The following CPE variants were observed in gnomAD, a reference collection of about 807,000 sequenced individuals.
CPE encodes the protein carbocypeptidase E.
CPE carries 17 observed loss-of-function variants against 53.5 expected under a neutral mutation model. The ratio of observed to expected loss-of-function variants is 0.32; its 90% CI spans 0.22 to 0.48. The LOEUF is 0.48. Ranked by LOEUF, CPE falls within the 20% of genes least tolerant of loss-of-function variation. The pLI, the probability that CPE is intolerant of heterozygous loss-of-function variation, is 0.99. For missense variants in CPE, 524 were observed against 614.7 expected, an observed-to-expected ratio of 0.85 and a Z score of 1.56; for synonymous variants, 226 against 228.8, an observed-to-expected ratio of 0.99 and a Z score of 0.11.
rs1732582206 is a variant in CPE, at chr4:165,490,531, G to C, written c.1114-2640G>C. 3.3e-5 allele frequency among the ~76,000 whole-genome samples: 5 copies of C among 151,364 alleles called. No individual in the cohort carries two copies. The South Asian group carries it at 1.0e-3, about 32-fold the overall frequency. On this transcript the variant is annotated intron_variant, in intron 6 of 8. Transcript: ENST00000402744. ...GCCTGTAGTCCCAGCTACTCCGGAG[G>C]CTGAGGCAGGAGAATGGCATGAACC... is the stretch of plus-strand genomic sequence containing the variant.
chr4:165,457,712 G>A (rs1359150963), intron 1 of CPE, among the ~76,000 whole-genome samples: 2 of 152,140 alleles, frequency 1.3e-5, no homozygotes, highest in Non-Finnish European at 2.9e-5. Context: ...ATGTTGATTT[G>A]GTTGTTTTCT....
chr4:165,435,747 A>G (rs1731491099), intron 1 of CPE, among the ~76,000 whole-genome samples: 1 of 152,220 alleles, frequency 6.6e-6, no homozygotes, highest in Non-Finnish European at 1.5e-5. Context: ...TACATTTTAA[A>G]TATCAATCCA....
intron 1 of CPE, among the ~76,000 whole-genome samples, chr4:165,438,415 A>C (rs1731549254): frequency 6.6e-6 from 1 of 152,136 alleles, no homozygotes. Flanking sequence ...CCTTTGAGGA[A>C]AGAGTAGGGG....
intron 1 of CPE, 110 bp from the exon 2 acceptor site, chr4:165,464,280 C>A: frequency 1.1e-6 from 1 of 871,010 alleles, no homozygotes; most frequent in Non-Finnish European, 1.7e-6. Flanking sequence ...TAAGGCATCG[C>A]TGCTGGAGGA....
intron 1 of CPE, among the ~76,000 whole-genome samples, chr4:165,456,629 C>G (rs1477766487): frequency 6.6e-6 from 1 of 151,808 alleles, no homozygotes; most frequent in Non-Finnish European, 1.5e-5. Flanking sequence ...TGCAGTGGCG[C>G]GATCTCGGCT....
rs558362801 is a variant in CPE at position 165,442,201 on chromosome 4, C to T, written c.308-22189C>T. 7.9e-5 allele frequency among the ~76,000 whole-genome samples: 12 copies of T among 151,940 alleles called. No homozygotes were observed. In the South Asian group the frequency reaches 2.1e-3, roughly 26 times the overall value. On this transcript the variant is annotated intron_variant, in intron 1 of 8. Transcript: ENST00000402744. ...GGGACTACAGGTGGATGCTACCATG[C>T]CCAGCTAATTTTGTAATTCTTTTGT...
intron 1 of CPE, among the ~76,000 whole-genome samples, chr4:165,439,164 A>G (rs954897079): frequency 6.6e-6 from 1 of 152,236 alleles, no homozygotes; most frequent in Non-Finnish European, 1.5e-5. Flanking sequence ...ATCTAGCATC[A>G]TGTTTGAAAA....
chr4:165,442,594 A>G (rs1731632509), intron 1 of CPE, among the ~76,000 whole-genome samples: 1 of 152,196 alleles, frequency 6.6e-6, no homozygotes, highest in African/African-American at 2.4e-5. Context: ...AGCTATTTAA[A>G]TTTAAATTAA....
chr4:165,440,162 C>G (rs1731582989), intron 1 of CPE, among the ~76,000 whole-genome samples: 1 of 152,066 alleles, frequency 6.6e-6, no homozygotes, highest in Non-Finnish European at 1.5e-5. Flanking sequence ...TTCTAGGTTC[C>G]CAACATGCCG....
At chr4:165,491,605 A>T (rs554232919) in intron 6 of CPE, among the ~76,000 whole-genome samples, 17 of 152,298 alleles carry the variant, frequency 1.1e-4, no homozygotes, top group Non-Finnish European at 2.1e-4. Flanking sequence ...GAATTGAATA[A>T]ATCTTAAATT....
At chr4:165,442,434 C>T (rs564627485) in intron 1 of CPE, among the ~76,000 whole-genome samples, 23 of 152,192 alleles carry the variant, frequency 1.5e-4, no homozygotes, top group African/African-American at 5.3e-4. Flanking sequence ...TCTGATATTC[C>T]TCAAACTTAT....
At chr4:165,404,444 A>G in intron 1 of CPE, 1 of 767,980 alleles carries the variant, frequency 1.3e-6, no homozygotes, top group Non-Finnish European at 2.4e-6. Flanking sequence ...CTCCTGATAG[A>G]TGGAAAAGCC....
At chr4:165,474,250 C>T (rs906666621) in intron 3 of CPE, among the ~76,000 whole-genome samples, 2 of 152,192 alleles carry the variant, frequency 1.3e-5, no homozygotes, top group African/African-American at 4.8e-5. Flanking sequence ...TTGAGGGTTT[C>T]CTGCATAAGG....
At chr4:165,442,093 A>G (rs1579263375) in intron 1 of CPE, among the ~76,000 whole-genome samples, 1 of 123,576 alleles carries the variant, frequency 8.1e-6, no homozygotes, top group African/African-American at 3.3e-5. Flanking sequence ...CCCAGGCTGG[A>G]GTGCAGGAGT....
At chr4:165,450,993 A>C (rs1282069972) in intron 1 of CPE, among the ~76,000 whole-genome samples, 1 of 152,190 alleles carries the variant, frequency 6.6e-6, no homozygotes, top group African/African-American at 2.4e-5. Flanking sequence ...TTCTCCACTC[A>C]AAGAGTGGTT....
At chr4:165,410,450 C>G (rs1336948231) in intron 1 of CPE, among the ~76,000 whole-genome samples, 1 of 152,112 alleles carries the variant, frequency 6.6e-6, no homozygotes, top group East Asian at 1.9e-4. Context: ...CAAAACAGGC[C>G]AGTAACTCTG....
At chr4:165,392,328 TGA>T (rs1448960393) in intron 1 of CPE, among the ~76,000 whole-genome samples, 20 of 146,640 alleles carry the variant, frequency 1.4e-4, no homozygotes, top group African/African-American at 4.7e-4. Flanking sequence ...TGTAAATATA[TGA>T]TATATGTATA....
chr4:165,439,617 A>T (rs72997496), intron 1 of CPE, among the ~76,000 whole-genome samples: 1 of 150,944 alleles, frequency 6.6e-6, no homozygotes, highest in African/African-American at 2.4e-5. Context: ...TTTCAAACTT[A>T]TATCTCAGTT....
intron 3 of CPE, among the ~76,000 whole-genome samples, chr4:165,478,443 G>A (rs1732341108): frequency 6.6e-6 from 1 of 152,308 alleles, no homozygotes; most frequent in East Asian, 1.9e-4. Flanking sequence ...TGTGTATGAT[G>A]TAAGAACTAG....
Sources: allele counts gnomAD v4.1 joint callset (sites outside exome capture counted in the v4.1 genomes callset), GRCh38; gene constraint gnomAD v4.1.1; transcripts MANE v1.5; gene names NCBI Gene and HGNC (gene_info 2026-07-23, HGNC 2026-07-21).